The following IFFO2 variants were observed in gnomAD, a reference collection of about 807,000 sequenced individuals.
IFFO2 encodes intermediate filament family orphan 2.
A neutral mutation model predicts 53.5 loss-of-function variants in IFFO2; 19 were observed. That is an observed-to-expected ratio of 0.36 (90% CI 0.25 to 0.52). The LOEUF is 0.52. Ranked by LOEUF, IFFO2 falls within the 20% of genes least tolerant of loss-of-function variation. IFFO2 has a pLI of 0.94. For synonymous variants in IFFO2, 303 were observed against 313.6 expected, an observed-to-expected ratio of 0.97 and a Z score of 0.36; for missense variants, 570 against 727.4, an observed-to-expected ratio of 0.78 and a Z score of 2.49.
At chr1:18,913,958 C>CCTCAGCCTCCTGT (rs760160285) in intron 5 of IFFO2, among the ~76,000 whole-genome samples, 2,159 of 152,122 alleles carry the variant, frequency 0.014, 43 homozygotes, top group African/African-American at 0.04. Flanking sequence ...CAGCCTCCTG[C>CCTCAGCCTCCTGT]GTAGCTGGGA....
intron 1 of IFFO2, among the ~76,000 whole-genome samples, chr1:18,940,614 C>T (rs921660337): frequency 6.7e-6 from 1 of 149,904 alleles, no homozygotes; most frequent in Non-Finnish European, 1.5e-5. Context: ...GATGGACAGA[C>T]GGACGGACAG....
chr1:18,932,767 G>A (rs1255608691), intron 1 of IFFO2, among the ~76,000 whole-genome samples: 1 of 152,172 alleles, frequency 6.6e-6, no homozygotes, highest in Admixed American at 6.5e-5. Context: ...CCCCGGGGAT[G>A]AGGCAGGGTA....
Position 18,919,102 on chromosome 1 carries a change from C to T in IFFO2, c.822+576G>A, listed in dbSNP as rs1357153636. Among the ~76,000 whole-genome samples the T allele has an allele frequency of 6.6e-6, 1 of 152,216 alleles. No homozygotes were observed. Among genetic ancestry groups the T allele is most frequent in the Non-Finnish European group, 1.5e-5 (1 of 68,038 alleles). ...TTCTGCCTTCTGGTGGGGTCTCCCC[C>T]TGTACTGCCCACTGTTTGAAGGGGA... On this transcript the variant is annotated intron_variant, in intron 3 of 8. Coordinates refer to ENST00000455833, the MANE Select transcript of IFFO2 (RefSeq NM_001136265.2). This position sits in a 1 kb window ranked among gnomAD's most constrained non-coding sequence, Gnocchi z 4.9.
intron 5 of IFFO2, among the ~76,000 whole-genome samples, chr1:18,912,917 G>T (rs566290463): frequency 1.3e-5 from 2 of 152,234 alleles, no homozygotes; most frequent in Non-Finnish European, 2.9e-5. Flanking sequence ...GGGTTCCCAA[G>T]ATGCCTTGGT....
intron 1 of IFFO2, among the ~76,000 whole-genome samples, chr1:18,925,984 ATGGATGGATGGATGGAT>A (rs1936285656): frequency 1.2e-4 from 16 of 135,176 alleles, no homozygotes; most frequent in East Asian, 9.6e-4. Context: ...GGATGGATGG[ATGGATGGATGGATGGAT>A]TGGTTGGATG....
intron 1 of IFFO2, among the ~76,000 whole-genome samples, chr1:18,926,720 T>C (rs1445611414): frequency 1.3e-5 from 2 of 149,104 alleles, no homozygotes; most frequent in Non-Finnish European, 3.0e-5. Flanking sequence ...TCAGGGCCAG[T>C]GCCTCCCCCT....
chr1:18,922,093 T>C (rs2148169517), intron 1 of IFFO2, among the ~76,000 whole-genome samples: 1 of 152,260 alleles, frequency 6.6e-6, no homozygotes, highest in African/African-American at 2.4e-5. Flanking sequence ...AGGCACAAGC[T>C]GAACCCAAGG....
intron 1 of IFFO2, among the ~76,000 whole-genome samples, chr1:18,925,841 TGGA>T: frequency 2.9e-5 from 2 of 68,252 alleles, no homozygotes; most frequent in Non-Finnish European, 6.0e-5. Flanking sequence ...GATGGATGGA[TGGA>T]TGGATGGATT....
chr1:18,930,418 T>C (rs1191907850), intron 1 of IFFO2, among the ~76,000 whole-genome samples: 2 of 152,198 alleles, frequency 1.3e-5, no homozygotes, highest in African/African-American at 4.8e-5. Context: ...ATGAGCTAGA[T>C]GCCGCCTTCA....
chr1:18,929,386 C>T (rs1298135703), intron 1 of IFFO2, among the ~76,000 whole-genome samples: 2 of 152,166 alleles, frequency 1.3e-5, no homozygotes, highest in African/African-American at 2.4e-5. Flanking sequence ...AAGTCTGGGC[C>T]CCCTCAGCAA....
In IFFO2 at chr1:18,928,393, T is replaced by C. The variant is rs1287736174; in HGVS notation, c.666-7272A>G. Reference sequence around the variant, plus strand: ...CTCCACGGAGGAGGTATTAATTTAATGTGAACACTTAACCAGGGCAGCCGA... The same window carrying C: ...CTCCACGGAGGAGGTATTAATTTAACGTGAACACTTAACCAGGGCAGCCGA... On this transcript the variant is annotated intron_variant, in intron 1 of 8. Coordinates refer to ENST00000455833, the MANE Select transcript of IFFO2 (RefSeq NM_001136265.2). The surrounding 1 kb of genome is among the most constrained non-coding windows in gnomAD (Gnocchi z 4.9). 1.3e-5 allele frequency among the ~76,000 whole-genome samples: 2 copies of C among 152,202 alleles called. No homozygotes were observed. Among genetic ancestry groups the C allele is most frequent in the African/African-American group, 2.4e-5 (1 of 41,448 alleles).
intron 1 of IFFO2, among the ~76,000 whole-genome samples, chr1:18,927,429 T>A (rs886712838): frequency 3.3e-5 from 5 of 152,186 alleles, no homozygotes; most frequent in African/African-American, 4.8e-5. Context: ...GCAGCTTCCT[T>A]CCCGGCGGGT....
In IFFO2 at chr1:18,905,153, C is replaced by G. The variant is rs1253796672; in HGVS notation, c.*3408G>C. On this transcript the variant is annotated 3_prime_UTR_variant, in exon 9 of 9. Transcript: ENST00000455833. ...CCCCACCCACCACATTTCTGAATTT[C>G]CTGCAGCCCACCCACCCCCTCAGAT... The G allele has an allele frequency of 6.6e-6, 1 of 151,406 alleles. No homozygotes were observed. Among genetic ancestry groups the G allele is most frequent in the Admixed American group, 6.6e-5 (1 of 15,214 alleles). The allele number at this position is 151,406 out of a possible 1,614,324, so 9.4% of individuals were successfully genotyped here. A position where few individuals can be genotyped will look rare whatever the true frequency, so the allele number is the denominator to read the frequency against.
rs60224191 is a variant in IFFO2, at chr1:18,919,297, C to A, written c.822+381G>T. Among the ~76,000 whole-genome samples the A allele has an allele frequency of 0.047, 7,142 of 152,248 alleles. 546 individuals carry two copies. The highest frequency in any genetic ancestry group is 0.16 in the African/African-American group (6,727 of 41,516). Reference sequence around the variant, plus strand: ...TGGGCCTGCGAGTCTCTCAGGCCCGCACAGACCAGACGGCACCTGGCCCAA... The same window carrying A: ...TGGGCCTGCGAGTCTCTCAGGCCCGAACAGACCAGACGGCACCTGGCCCAA... On this transcript the variant is annotated intron_variant, in intron 3 of 8. Transcript: ENST00000455833. This position sits in a 1 kb window ranked among gnomAD's most constrained non-coding sequence, Gnocchi z 4.9.
At chr1:18,925,824 AT>A (rs1936277239) in intron 1 of IFFO2, among the ~76,000 whole-genome samples, 2 of 74,672 alleles carry the variant, frequency 2.7e-5, no homozygotes, top group East Asian at 4.5e-4. Flanking sequence ...GGATGGATGG[AT>A]GGATGGATGG....
intron 1 of IFFO2, among the ~76,000 whole-genome samples, chr1:18,946,690 T>A (rs776037477): frequency 6.6e-6 from 1 of 152,086 alleles, no homozygotes; most frequent in Non-Finnish European, 1.5e-5. Context: ...GTGCTGGGAT[T>A]ACAGGCATGA....
chr1:18,935,670 C>T (rs1936438570), intron 1 of IFFO2, among the ~76,000 whole-genome samples: 3 of 150,456 alleles, frequency 2.0e-5, no homozygotes, highest in South Asian at 4.2e-4. Context: ...CTCTGCTTAA[C>T]TCATCTTTCT....
chr1:18,912,072 A>G lies in IFFO2; in HGVS notation c.1115T>C (p.Phe372Ser). 1.3e-6 allele frequency: 2 copies of G among 1,551,588 alleles called. No individual in the cohort carries two copies. Among genetic ancestry groups the G allele is most frequent in the Non-Finnish European group, 1.7e-6 (2 of 1,146,860 alleles). Reference sequence around the variant, plus strand: ...GCTGTCACAGTCGTCGTCAAAGTCAAAGGTCTCCCGCCTGTGGGGGTGACA... The same window carrying G: ...GCTGTCACAGTCGTCGTCAAAGTCAGAGGTCTCCCGCCTGTGGGGGTGACA... ...KRMFNQLRET[F>S]DFDDDCDSLT... Residue 372 changes from phenylalanine to serine, a missense_variant, in exon 6 of 9, where the codon TTT (phenylalanine) becomes TCT (serine). Phe to Ser is a radical substitution (Grantham distance 155, BLOSUM62 -2). Coordinates refer to ENST00000455833, the MANE Select transcript of IFFO2 (RefSeq NM_001136265.2).
intron 1 of IFFO2, among the ~76,000 whole-genome samples, chr1:18,925,975 G>C: frequency 7.1e-6 from 1 of 141,052 alleles, no homozygotes; most frequent in South Asian, 2.3e-4. Context: ...TGGATGGATG[G>C]ATGGATGGAT....
Sources: allele counts gnomAD v4.1 joint callset (sites outside exome capture counted in the v4.1 genomes callset), GRCh38; gene constraint gnomAD v4.1.1; non-coding constraint Gnocchi (gnomAD v3.1); transcripts MANE v1.5; gene names NCBI Gene and HGNC (gene_info 2026-07-23, HGNC 2026-07-21).